Variants in TNIK observed in about 807,000 individuals in gnomAD.
TNIK encodes TRAF2 and NCK-interacting protein kinase.
TNIK carries 49 observed loss-of-function variants against 191.3 expected under a neutral mutation model. The observed-to-expected ratio is 0.26, with a 90% confidence interval of 0.20 to 0.32. The LOEUF is 0.32. TNIK is among the 10% of genes least tolerant of loss of function. The pLI, the probability that TNIK is intolerant of heterozygous loss-of-function variation, is 1.00. For missense variants in TNIK, 1,155 were observed against 1,702.3 expected (o/e 0.68, Z 5.66); for synonymous variants, 594 against 600.9 (o/e 0.99, Z 0.17).
At chr3:171,103,292 TAAATGTAATGCATATTATA>T (rs1723917091) in intron 21 of TNIK, among the ~76,000 whole-genome samples, 2 of 152,172 alleles carry the variant, frequency 1.3e-5, no homozygotes, top group Admixed American at 1.3e-4. Context: ...CAACTCTGTT[TAAATGTAATGCATATTATA>T]AAAAGAAGAG....
chr3:171,095,403 G>C (rs1372898410), intron 22 of TNIK, among the ~76,000 whole-genome samples: 2 of 152,194 alleles, frequency 1.3e-5, no homozygotes, highest in Non-Finnish European at 2.9e-5. Flanking sequence ...GATTTTGGTT[G>C]TTAATGCGAT....
At chr3:171,263,304 A>T (rs1747891145) in intron 2 of TNIK, among the ~76,000 whole-genome samples, 1 of 152,178 alleles carries the variant, frequency 6.6e-6, no homozygotes, top group Non-Finnish European at 1.5e-5. Flanking sequence ...TGTTCATAGG[A>T]GGATATGAAT....
intron 10 of TNIK, among the ~76,000 whole-genome samples, chr3:171,165,300 A>C (rs1734473963): frequency 1.3e-5 from 2 of 149,696 alleles, no homozygotes; most frequent in South Asian, 4.3e-4. Context: ...AAATAAAAAA[A>C]GTGCTGGGTG....
rs949028757 is a variant in TNIK, at chr3:171,413,561, C to T, written c.58-43876G>A. Among the ~76,000 whole-genome samples, 7 of 152,188 alleles carry T rather than the reference C, an allele frequency of 4.6e-5. No individual in the cohort carries two copies. In the East Asian group the frequency reaches 1.3e-3, roughly 29 times the overall value. ...TTCAAGTCCTACCAGTCTGTTAAGA[C>T]CCTGCTAAAGGACCTCCTCTTCCAG... On this transcript the variant is annotated intron_variant, in intron 1 of 32. Transcript: ENST00000436636.
At chr3:171,259,542 A>G (rs1747331315) in intron 2 of TNIK, among the ~76,000 whole-genome samples, 1 of 152,130 alleles carries the variant, frequency 6.6e-6, no homozygotes, top group Non-Finnish European at 1.5e-5. Context: ...ATTTTGCTTC[A>G]CCCTCACGTT....
intron 2 of TNIK, among the ~76,000 whole-genome samples, chr3:171,294,123 G>T (rs952030622): frequency 1.1e-4 from 16 of 152,184 alleles, no homozygotes; most frequent in Non-Finnish European, 2.1e-4. Context: ...CAGCTACTCA[G>T]GAGGCTGAGG....
At chr3:171,237,386 C>A (rs768189046) in intron 2 of TNIK, among the ~76,000 whole-genome samples, 5 of 151,914 alleles carry the variant, frequency 3.3e-5, no homozygotes, top group African/African-American at 4.8e-5. Flanking sequence ...TTACTGAATC[C>A]CCGCTCTGTT....
chr3:171,245,121 C>T (rs111690061), intron 2 of TNIK, among the ~76,000 whole-genome samples: 250 of 152,266 alleles, frequency 1.6e-3, no homozygotes, highest in Non-Finnish European at 3.0e-3. Flanking sequence ...GTAGTTCAGA[C>T]GTGTTGTACT....
chr3:171,087,527 G>T (rs1403791761), intron 23 of TNIK, 21 bp from the exon 24 acceptor site: 1 of 1,611,004 alleles, frequency 6.2e-7, no homozygotes, highest in African/African-American at 1.3e-5. Context: ...ACAGCACGTG[G>T]GAGGAGTTAG....
At chr3:171,441,912 T>G (rs1479246092) in intron 1 of TNIK, among the ~76,000 whole-genome samples, 1 of 152,230 alleles carries the variant, frequency 6.6e-6, no homozygotes, top group Non-Finnish European at 1.5e-5. Context: ...ATCTCACAAC[T>G]TATGCACATT....
chr3:171,223,650 A>G (rs529593234), intron 3 of TNIK, among the ~76,000 whole-genome samples: 6 of 152,304 alleles, frequency 3.9e-5, no homozygotes, highest in African/African-American at 9.6e-5. Flanking sequence ...AAATGGGGCT[A>G]ATCATGGAAC....
chr3:171,196,903 C>A lies in TNIK; in HGVS notation c.307-2268G>T, dbSNP rs1240932324. Among the ~76,000 whole-genome samples the A allele has an allele frequency of 6.8e-5, 10 of 147,318 alleles. No individual in the cohort carries two copies. In the Admixed American group the frequency reaches 6.9e-4, roughly 10 times the overall value. ...TCGAGTAGCTGGGACTACAGGCACC[C>A]GCCATCACGCCCGGCTAATTTTTTT... On this transcript the variant is annotated intron_variant, in intron 4 of 32. Transcript: ENST00000436636.
At chr3:171,133,231 T>A (rs1309357677) in intron 15 of TNIK, among the ~76,000 whole-genome samples, 2 of 152,192 alleles carry the variant, frequency 1.3e-5, no homozygotes, top group Non-Finnish European at 2.9e-5. Flanking sequence ...AACGTATAGA[T>A]CCCTGTGTGA....
intron 7 of TNIK, among the ~76,000 whole-genome samples, chr3:171,187,558 A>G (rs1379662075): frequency 6.6e-6 from 1 of 152,202 alleles, no homozygotes; most frequent in African/African-American, 2.4e-5. Context: ...AACTAAAAAT[A>G]TTCCTTAAAA....
chr3:171,134,259 G>A (rs1729683226), intron 15 of TNIK, among the ~76,000 whole-genome samples: 1 of 152,188 alleles, frequency 6.6e-6, no homozygotes, highest in Non-Finnish European at 1.5e-5. Context: ...TAATTTGAAA[G>A]CAGTGAGAAT....
chr3:171,107,948 C>T (rs1200920042), intron 20 of TNIK, 117 bp downstream of exon 20: 6 of 970,398 alleles, frequency 6.2e-6, no homozygotes, highest in Admixed American at 2.6e-5. Flanking sequence ...TTCTAGCATC[C>T]GTTCTTACTA....
chr3:171,279,913 C>T (rs1233925219), intron 2 of TNIK, among the ~76,000 whole-genome samples: 1 of 152,136 alleles, frequency 6.6e-6, no homozygotes. Flanking sequence ...CAGAATCTAT[C>T]TTACTCCCCC....
At chr3:171,307,483 T>A (rs548270859) in intron 2 of TNIK, among the ~76,000 whole-genome samples, 3 of 152,312 alleles carry the variant, frequency 2.0e-5, no homozygotes, top group South Asian at 4.1e-4. Flanking sequence ...AAGTCTAACC[T>A]AATCTGTGCA....
At chr3:171,161,206 G>A (rs894913531) in intron 11 of TNIK, 64 bp downstream of exon 11, 2 of 1,532,816 alleles carry the variant, frequency 1.3e-6, no homozygotes, top group Non-Finnish European at 8.9e-7. Flanking sequence ...CAAAAGGAAA[G>A]TGAATTTCAC....
Sources: gnomAD v4.1 joint callset for allele counts (sites outside exome capture counted in the v4.1 genomes callset) on GRCh38, gnomAD v4.1.1 for gene constraint, MANE v1.5 for transcripts, NCBI Gene and HGNC (gene_info 2026-07-23, HGNC 2026-07-21) for gene names.